Variants in KIR2DL4 observed in about 807,000 individuals in gnomAD.
The protein encoded by KIR2DL4 is killer cell immunoglobulin like receptor, two Ig domains and long cytoplasmic tail 4, also known as killer cell immunoglobulin-like receptor 2DL4.
In KIR2DL4, 41 loss-of-function variants were observed where a neutral mutation model predicts 31.0. The ratio of observed to expected loss-of-function variants is 1.32; its 90% CI spans 1.03 to 1.72. The LOEUF (loss-of-function observed/expected upper bound fraction) is 1.72. Among genes scored for constraint, KIR2DL4 ranks in the 40% most tolerant of loss-of-function variants. The pLI, the probability that KIR2DL4 is intolerant of heterozygous loss-of-function variation, is 0.00. For missense variants in KIR2DL4, 438 were observed against 353.7 expected, an observed-to-expected ratio of 1.24 and a Z score of -1.91; for synonymous variants, 164 against 133.6, an observed-to-expected ratio of 1.23 and a Z score of -1.57.
rs1458689200 is a variant in KIR2DL4 at position 54,806,080 on chromosome 19, A to C, written c.491A>C (p.His164Pro). The C allele has an allele frequency of 1.9e-6, 3 of 1,612,020 alleles. 1 individual carries two copies. The highest frequency in any genetic ancestry group is 2.7e-5 in the African/African-American group (2 of 74,148). Residue 164 changes from histidine to proline, a missense_variant, in exon 4 of 8, where the codon CAT (histidine) becomes CCT (proline). Coordinates refer to ENST00000359085, the Ensembl canonical transcript of KIR2DL4. Reference sequence around the variant, plus strand: ...CATCTATCCAGGGAGGGGGAAGCCCATGAACTTAGGCTCCCTGCAGTGCCC... The same window carrying C: ...CATCTATCCAGGGAGGGGGAAGCCCCTGAACTTAGGCTCCCTGCAGTGCCC...
At chr19:54,812,460 G>A (rs2060919140) in intron 5 of KIR2DL4, among the ~76,000 whole-genome samples, 1 of 151,338 alleles carries the variant, frequency 6.6e-6, no homozygotes. Context: ...AGGCTGTTCT[G>A]AGACGTTCCT....
At chr19:54,811,532 G>T in intron 5 of KIR2DL4, among the ~76,000 whole-genome samples, 1 of 150,808 alleles carries the variant, frequency 6.6e-6, no homozygotes. Context: ...AAGAAAATCA[G>T]GCGAAAACAT....
chr19:54,810,757 C>G (rs2060818940), intron 5 of KIR2DL4, among the ~76,000 whole-genome samples: 1 of 151,112 alleles, frequency 6.6e-6, no homozygotes, highest in African/African-American at 2.4e-5. Flanking sequence ...TTGGACTTAC[C>G]TCGGGGCTAA....
rs772050236 is a variant in KIR2DL4 at position 54,803,842 on chromosome 19, G to C, written c.41-49G>C. The C allele has an allele frequency of 3.2e-6, 5 of 1,585,958 alleles. No homozygotes were observed. The East Asian group carries it at 9.0e-5, about 28-fold the overall frequency. ...TGGCGCCCAGTGGCTCAGGAGGAAA[G>C]GGTAGGTTGCTGCCGAGATGAATAG... On this transcript the variant is annotated intron_variant, in intron 1 of 7. Coordinates refer to ENST00000359085, the Ensembl canonical transcript of KIR2DL4.
chr19:54,809,229 G>A (rs2060711106), intron 5 of KIR2DL4, among the ~76,000 whole-genome samples: 1 of 150,228 alleles, frequency 6.7e-6, no homozygotes, highest in Non-Finnish European at 1.5e-5. Context: ...CATTTTTGAG[G>A]GTGGTGTATT....
intron 6 of KIR2DL4, chr19:54,813,295 G>C (rs1444063908): frequency 1.3e-5 from 21 of 1,592,586 alleles, no homozygotes; most frequent in Non-Finnish European, 1.8e-5. Context: ...GGAGCACGCA[G>C]GTGTGTGTTC....
chr19:54,814,150 C>T lies in KIR2DL4; in HGVS notation c.*350C>T, dbSNP rs1168131807. ...CATCTTAGAGCATCACTCTTCCTCA[C>T]ACCACAAATCTGGTGCCTGTCTCTT... On this transcript the variant is annotated 3_prime_UTR_variant, in exon 8 of 8. Coordinates refer to ENST00000359085, the Ensembl canonical transcript of KIR2DL4. 11 of 1,598,900 alleles carry T rather than the reference C, an allele frequency of 6.9e-6. 1 individual carries two copies. The highest frequency in any genetic ancestry group is 5.4e-5 in the African/African-American group (4 of 73,998).
chr19:54,813,881 C>T lies in KIR2DL4; in HGVS notation c.*81C>T, dbSNP rs1213079741. The stretch of plus-strand genomic sequence containing the variant: ...AGACCCTCAGGAGGTGACATACGCA[C>T]AGTTGGATCACTGCATTTTCACACA... On this transcript the variant is annotated 3_prime_UTR_variant, in exon 8 of 8. Transcript: ENST00000359085. The T allele has an allele frequency of 3.1e-6, 5 of 1,612,376 alleles. No homozygotes were observed. In the African/African-American group the frequency reaches 4.0e-5, roughly 13 times the overall value.
intron 1 of KIR2DL4, 97 bp downstream of exon 1, chr19:54,803,788 G>C: frequency 6.4e-7 from 1 of 1,563,940 alleles, no homozygotes; most frequent in Non-Finnish European, 8.8e-7. Context: ...CAAGTGAGTG[G>C]TGAGGATGAG....
intron 3 of KIR2DL4, among the ~76,000 whole-genome samples, chr19:54,805,315 G>A (rs943981524): frequency 6.6e-6 from 1 of 151,458 alleles, no homozygotes; most frequent in Admixed American, 6.6e-5. Context: ...GGGGAAGATG[G>A]AGCTCAGGTT....
chr19:54,806,194 C>A, exon 4 of KIR2DL4: 1 of 1,611,544 alleles, frequency 6.2e-7, no homozygotes, highest in Non-Finnish European at 8.5e-7. Flanking sequence ...TTCCATGGAT[C>A]TCCCTACGAG....
chr19:54,806,152 C>T, exon 4 of KIR2DL4: 1 of 1,612,010 alleles, frequency 6.2e-7, no homozygotes. Context: ...GGTCCTGCCA[C>T]CCACGGAGAG....
exon 4 of KIR2DL4, chr19:54,806,216 G>T: frequency 1.2e-6 from 2 of 1,610,390 alleles, no homozygotes; most frequent in African/African-American, 1.4e-5. Flanking sequence ...GGTCAGACCC[G>T]AGTGACCCAC....
At chr19:54,813,463 GATT>G (rs2061000165) in intron 6 of KIR2DL4, among the ~76,000 whole-genome samples, 1 of 150,322 alleles carries the variant, frequency 6.7e-6, no homozygotes, top group East Asian at 2.0e-4. Flanking sequence ...TCCAGGAGAA[GATT>G]CCATGACAGG....
chr19:54,804,051 T>A, intron 2 of KIR2DL4, 125 bp downstream of exon 2: 2 of 898,012 alleles, frequency 2.2e-6, no homozygotes, highest in Non-Finnish European at 3.7e-6. Context: ...CTGGGGGGAG[T>A]CTCTCATGAA....
intron 6 of KIR2DL4, 65 bp from the exon 6 acceptor site, chr19:54,813,625 C>G: frequency 6.6e-7 from 1 of 1,519,606 alleles, no homozygotes; most frequent in Non-Finnish European, 9.1e-7. Flanking sequence ...GTGTTGGTAT[C>G]TGTTCATGAA....
chr19:54,807,407 C>G (rs2060592506), intron 4 of KIR2DL4, among the ~76,000 whole-genome samples: 1 of 151,622 alleles, frequency 6.6e-6, no homozygotes, highest in Admixed American at 6.6e-5. Flanking sequence ...TTGCTAGATC[C>G]TCTGGATGTT....
At chr19:54,809,317 G>T (rs2060715615) in intron 5 of KIR2DL4, among the ~76,000 whole-genome samples, 1 of 150,596 alleles carries the variant, frequency 6.6e-6, no homozygotes, top group South Asian at 2.1e-4. Flanking sequence ...TGGAACAAGA[G>T]CTTTGCGGTA....
chr19:54,813,409 C>T lies in KIR2DL4; in HGVS notation c.810+181C>T, dbSNP rs1395668160. 1.5e-4 allele frequency: 125 copies of T among 858,116 alleles called. 1 individual carries two copies. Among genetic ancestry groups the T allele is most frequent in the Non-Finnish European group, 2.0e-4 (116 of 567,146 alleles). The allele number at this position is 858,116 out of a possible 1,614,324, so 53.2% of individuals were successfully genotyped here. A position where few individuals can be genotyped will look rare whatever the true frequency, so the allele number is the denominator to read the frequency against. On this transcript the variant is annotated intron_variant, in intron 6 of 7. Coordinates refer to ENST00000359085, the Ensembl canonical transcript of KIR2DL4. ...CCTGCCTTCAGCTCACAGACCGTTG[C>T]CTGATTGTGAACTGTATCCTCACGT... is the stretch of plus-strand genomic sequence containing the variant.
Sources: gnomAD v4.1 joint callset for allele counts (sites outside exome capture counted in the v4.1 genomes callset) on GRCh38, gnomAD v4.1.1 for gene constraint, MANE v1.5 for transcripts, NCBI Gene and HGNC (gene_info 2026-07-23, HGNC 2026-07-21) for gene names.